HK1: variants seen among roughly 807,000 people sequenced by gnomAD.
The protein encoded by HK1 is hexokinase 1, also known as hexokinase-1.
In HK1, 28 loss-of-function variants were observed where a neutral mutation model predicts 91.6. The ratio of observed to expected loss-of-function variants is 0.31; its 90% CI spans 0.23 to 0.42. The LOEUF (loss-of-function observed/expected upper bound fraction) is 0.42. Ranked by LOEUF, HK1 falls within the 10% of genes least tolerant of loss-of-function variation. HK1 has a pLI of 1.00. For synonymous variants in HK1, 430 were observed against 468.1 expected, an observed-to-expected ratio of 0.92 and a Z score of 1.05; for missense variants, 770 against 1,219.8, an observed-to-expected ratio of 0.63 and a Z score of 5.49.
intron 5 of HK1, among the ~76,000 whole-genome samples, chr10:69,301,603 A>G (rs1845876489): frequency 1.3e-5 from 2 of 151,524 alleles, no homozygotes; most frequent in Admixed American, 6.6e-5. Flanking sequence ...AAAGAAAAGA[A>G]AACAATTCCA....
intron 3 of HK1, among the ~76,000 whole-genome samples, chr10:69,294,012 C>T (rs909024040): frequency 1.3e-5 from 2 of 151,798 alleles, no homozygotes; most frequent in African/African-American, 4.8e-5. Context: ...CAGGCGCCCA[C>T]CACCACGCCC....
chr10:69,398,882 T>G (rs1376528343), intron 17 of HK1, 54 bp downstream of exon 17: 3 of 1,401,644 alleles, frequency 2.1e-6, no homozygotes, highest in Non-Finnish European at 3.0e-6. Flanking sequence ...CCCTTTGGGT[T>G]AGGGGGTATC....
intron 1 of HK1, among the ~76,000 whole-genome samples, chr10:69,280,991 T>G (rs1844717307): frequency 1.3e-5 from 2 of 152,346 alleles, no homozygotes; most frequent in South Asian, 4.1e-4. Context: ...CAACCTGTCC[T>G]ATGTCTCTGT....
At chr10:69,310,172 G>A (rs1266495204) in intron 5 of HK1, among the ~76,000 whole-genome samples, 1 of 148,552 alleles carries the variant, frequency 6.7e-6, no homozygotes, top group Non-Finnish European at 1.5e-5. Context: ...TGTAATCCCA[G>A]TACTTTGGGA....
At position 69,276,118 on chromosome 10, in the gene HK1, A is replaced by AAAAAAAAATATATAT; in HGVS notation, c.-391+6011_-391+6012insAAAAAAATATATATA. Among the ~76,000 whole-genome samples the AAAAAAAAATATATAT allele has an allele frequency of 3.4e-4, 13 of 38,272 alleles. 1 individual carries two copies. The highest frequency in any genetic ancestry group is 3.1e-3 in the South Asian group (2 of 644). 25.1% of individuals were successfully genotyped at this position (38,272 alleles called of 152,430 possible). A position where few individuals can be genotyped will look rare whatever the true frequency, so the allele number is the denominator to read the frequency against. On this transcript the variant is annotated intron_variant, in intron 1 of 21. Coordinates refer to the HK1 transcript ENST00000360289. ...AAAAAAAAAAAAAAAAAAAAAAAAA[A>AAAAAAAAATATATAT]ATACATATATATATATATATACACA...
rs181720460 is a variant in HK1, at chr10:69,336,251, G to A, written c.64-7576G>A. ...TTGTTGCCCAGGCTGGAGTGCAATG[G>A]CGTGATCTCGGCTCACTGCAACCTC... On this transcript the variant is annotated intron_variant, in intron 1 of 17. Transcript: ENST00000359426. Among the ~76,000 whole-genome samples the A allele has an allele frequency of 5.5e-4, 83 of 151,894 alleles. 1 individual carries two copies. The highest frequency in any genetic ancestry group is 1.9e-3 in the African/African-American group (80 of 41,442).
At chr10:69,308,452 A>G (rs12262357) in intron 5 of HK1, among the ~76,000 whole-genome samples, 3,299 of 152,266 alleles carry the variant, frequency 0.022, 121 homozygotes, top group African/African-American at 0.075. Flanking sequence ...GGAGAGGGTC[A>G]TGATTGACTG....
chr10:69,368,229 G>A (rs969617961), intron 4 of HK1, among the ~76,000 whole-genome samples: 42 of 152,354 alleles, frequency 2.8e-4, no homozygotes, highest in Admixed American at 1.4e-3. Context: ...TGCGCAGTTG[G>A]CATCCAGTTA....
rs892601276 is a variant in HK1 at position 69,326,972 on chromosome 10, A to G, written c.63+7962A>G. Among the ~76,000 whole-genome samples, 8 of 143,656 alleles carry G rather than the reference A, an allele frequency of 5.6e-5. No homozygotes were observed. In the East Asian group the frequency reaches 1.6e-3, roughly 29 times the overall value. 94.2% of individuals were successfully genotyped at this position (143,656 alleles called of 152,430 possible). A position where few individuals can be genotyped will look rare whatever the true frequency, so the allele number is the denominator to read the frequency against. On this transcript the variant is annotated intron_variant, in intron 1 of 17. Coordinates refer to ENST00000359426, the MANE Select transcript of HK1 (RefSeq NM_000188.3). The stretch of plus-strand genomic sequence containing the variant: ...TATACTGACTATGTGTTTAAGCAAT[A>G]TATGGTATTGCTTTGTGTGGTTTTA...
At chr10:69,396,167 G>A (rs953088152) in intron 16 of HK1, among the ~76,000 whole-genome samples, 2 of 151,714 alleles carry the variant, frequency 1.3e-5, no homozygotes, top group African/African-American at 2.4e-5. Flanking sequence ...AGCTATTTGG[G>A]AGGCTGAGGT....
At chr10:69,328,763 C>A (rs1444344551) in intron 1 of HK1, among the ~76,000 whole-genome samples, 1 of 152,112 alleles carries the variant, frequency 6.6e-6, no homozygotes, top group East Asian at 1.9e-4. Flanking sequence ...TTTTCATCAC[C>A]CTCCGAAAAA....
At chr10:69,394,843 G>T (rs1840064114) in intron 15 of HK1, 107 bp from the exon 16 acceptor site, 2 of 1,109,032 alleles carry the variant, frequency 1.8e-6, no homozygotes, top group Middle Eastern at 2.8e-4. Flanking sequence ...GGCTGTTGAT[G>T]ATGCGCTTGA....
chr10:69,338,917 C>G (rs1412407144), intron 1 of HK1, among the ~76,000 whole-genome samples: 1 of 152,112 alleles, frequency 6.6e-6, no homozygotes, highest in African/African-American at 2.4e-5. Context: ...AAGAGTCAGC[C>G]TTTCTTCCTG....
intron 2 of HK1, among the ~76,000 whole-genome samples, chr10:69,349,421 A>G (rs1262337144): frequency 1.3e-5 from 2 of 152,302 alleles, no homozygotes; most frequent in South Asian, 2.1e-4. Flanking sequence ...CAGTCTTATG[A>G]TATAATAACT....
chr10:69,360,133 C>T, intron 3 of HK1, 88 bp downstream of exon 3: 1 of 1,290,296 alleles, frequency 7.8e-7, no homozygotes, highest in Non-Finnish European at 1.1e-6. Flanking sequence ...ACTGGCATCC[C>T]AAGCCCCTGG....
intron 5 of HK1, among the ~76,000 whole-genome samples, chr10:69,306,912 T>A (rs953533695): frequency 6.6e-6 from 1 of 152,178 alleles, no homozygotes; most frequent in Non-Finnish European, 1.5e-5. Flanking sequence ...ATAGGGAGTT[T>A]GTTGGATTTT....
chr10:69,293,043 C>T (rs1845369809), intron 3 of HK1, among the ~76,000 whole-genome samples: 1 of 152,188 alleles, frequency 6.6e-6, no homozygotes, highest in Non-Finnish European at 1.5e-5. Context: ...ATTTGGCCTC[C>T]ACTGGCTCCA....
At chr10:69,376,795 CA>C in intron 7 of HK1, 138 bp from the exon 8 acceptor site, 1 of 1,067,066 alleles carries the variant, frequency 9.4e-7, no homozygotes, top group Non-Finnish European at 1.5e-6. Flanking sequence ...GTCACTCAAG[CA>C]CATGGTTTTG....
chr10:69,357,427 A>C (rs1393441533), intron 2 of HK1, among the ~76,000 whole-genome samples: 8 of 152,226 alleles, frequency 5.3e-5, no homozygotes, highest in Non-Finnish European at 8.8e-5. Context: ...TGAGCCAGTC[A>C]TACAAGGTCA....
Sources: gnomAD v4.1 joint callset for allele counts (sites outside exome capture counted in the v4.1 genomes callset) on GRCh38, gnomAD v4.1.1 for gene constraint, MANE v1.5 for transcripts, NCBI Gene and HGNC (gene_info 2026-07-23, HGNC 2026-07-21) for gene names.